Variants in ZC3H7B observed in about 807,000 individuals in gnomAD.
ZC3H7B encodes the protein zinc finger CCCH domain-containing protein 7B.
A neutral mutation model predicts 116.0 loss-of-function variants in ZC3H7B; 35 were observed. The ratio of observed to expected loss-of-function variants is 0.30; its 90% CI spans 0.23 to 0.40. The LOEUF (loss-of-function observed/expected upper bound fraction) is 0.40, where lower values mean the gene tolerates loss of function less well. Ranked by LOEUF, ZC3H7B falls within the 10% of genes least tolerant of loss-of-function variation. The pLI, the probability that ZC3H7B is intolerant of heterozygous loss-of-function variation, is 1.00. For synonymous variants in ZC3H7B, 502 were observed against 545.6 expected, an observed-to-expected ratio of 0.92 and a Z score of 1.11; for missense variants, 1,011 against 1,321.5, an observed-to-expected ratio of 0.77 and a Z score of 3.64.
intron 22 of ZC3H7B, 118 bp downstream of exon 22, chr22:41,356,926 C>A: frequency 6.7e-7 from 1 of 1,483,916 alleles, no homozygotes; most frequent in East Asian, 2.3e-5. Context: ...TGAGGCTTGG[C>A]TGTGACTGCA....
chr22:41,342,018 C>T (rs1184511871), intron 11 of ZC3H7B, among the ~76,000 whole-genome samples: 3 of 150,892 alleles, frequency 2.0e-5, no homozygotes, highest in Admixed American at 6.6e-5. Context: ...GCTGAGAGCA[C>T]GCCATTGCAC....
In ZC3H7B at chr22:41,302,422, T is replaced by A. The variant is rs921985193; in HGVS notation, c.-7+650T>A. ...TGGGCCTGCTGGGCAGGGGGGCGTT[T>A]CCGGTCGCAGGATCAGTCTCTGGAC... On this transcript the variant is annotated intron_variant, in intron 1 of 22. Coordinates refer to ENST00000352645, the MANE Select transcript of ZC3H7B (RefSeq NM_017590.6). The surrounding 1 kb of genome is among the most constrained non-coding windows in gnomAD (Gnocchi z 5.7). 6.6e-6 allele frequency among the ~76,000 whole-genome samples: 1 copy of A among 151,984 alleles called. No homozygotes were observed. Among genetic ancestry groups the A allele is most frequent in the Non-Finnish European group, 1.5e-5 (1 of 67,938 alleles).
At chr22:41,314,444 A>T (rs1380806191) in intron 1 of ZC3H7B, among the ~76,000 whole-genome samples, 4 of 151,930 alleles carry the variant, frequency 2.6e-5, no homozygotes, top group Non-Finnish European at 5.9e-5. Context: ...GGTGTGAGCC[A>T]CTGCGCCCAA....
Position 41,359,081 on chromosome 22 carries a change from C to A in ZC3H7B, c.*1652C>A, listed in dbSNP as rs988398450. 1.3e-5 allele frequency: 2 copies of A among 152,934 alleles called. No individual in the cohort carries two copies. Among genetic ancestry groups the A allele is most frequent in the African/African-American group, 2.4e-5 (1 of 41,472 alleles). 9.5% of individuals were successfully genotyped at this position (152,934 alleles called of 1,614,324 possible). A position where few individuals can be genotyped will look rare whatever the true frequency, so the allele number is the denominator to read the frequency against. On this transcript the variant is annotated 3_prime_UTR_variant, in exon 23 of 23. Transcript: ENST00000352645. ...GCGCCCTTTCCTCTTCCCTGCCCCA[C>A]CCCCTGGCCGCAGCAGGCCAGCACT...
rs371484950 is a variant in ZC3H7B, at chr22:41,355,919, G to A, written c.2275-35G>A. The A allele has an allele frequency of 3.7e-6, 6 of 1,605,524 alleles. No individual in the cohort carries two copies. In the Admixed American group the frequency reaches 5.1e-5, roughly 14 times the overall value. On this transcript the variant is annotated intron_variant, in intron 19 of 22. Coordinates refer to ENST00000352645, the MANE Select transcript of ZC3H7B (RefSeq NM_017590.6). The stretch of plus-strand genomic sequence containing the variant: ...CCAGGAGGCAGCGATGCTTTCCAGC[G>A]GGACTCAGAGGATCTCCCCACGCCC...
At chr22:41,306,996 CAG>C (rs1337661727) in intron 1 of ZC3H7B, among the ~76,000 whole-genome samples, 2 of 136,012 alleles carry the variant, frequency 1.5e-5, no homozygotes, top group Non-Finnish European at 3.1e-5. Flanking sequence ...TTTTTTGAGA[CAG>C]AGTCTCATTC....
Position 41,327,256 on chromosome 22 carries a change from C to G in ZC3H7B, c.336C>G (p.Asp112Glu), listed in dbSNP as rs1243008239. 2 of 1,614,098 alleles carry G rather than the reference C, an allele frequency of 1.2e-6. No individual in the cohort carries two copies. Among genetic ancestry groups the G allele is most frequent in the Non-Finnish European group, 8.5e-7 (1 of 1,180,046 alleles). The change falls in exon 5 of 23, where the codon GAC becomes GAG. Residue 112 changes from aspartate (D) to glutamate (E), a missense_variant. Around this residue, in one of 5 missense-constraint regions of ZC3H7B, gnomAD observed 322 missense variants for 443.9 expected, o/e 0.73. Coordinates refer to ENST00000352645, the MANE Select transcript of ZC3H7B (RefSeq NM_017590.6). The surrounding 1 kb of genome is among the most constrained non-coding windows in gnomAD (Gnocchi z 4.5). ...LEDSEKALGL[D>E]SESIRALFRK... Reference sequence around the variant, plus strand: ...ACAGCGAGAAGGCGCTGGGCCTGGACAGTGAGAGTATCCGGGCGTTGTTCC... The same window carrying G: ...ACAGCGAGAAGGCGCTGGGCCTGGAGAGTGAGAGTATCCGGGCGTTGTTCC...
rs751008983 is a variant in ZC3H7B at position 41,341,108 on chromosome 22, C to T, written c.1159C>T (p.His387Tyr). 6.2e-7 allele frequency: 1 copy of T among 1,613,952 alleles called. No individual in the cohort carries two copies. The highest frequency in any genetic ancestry group is 1.1e-5 in the South Asian group (1 of 91,070). ...CCCAGAGGAGACCAACTCACAGGAC[C>T]ACCGTCCCCCTAGCGGTGCTCAGAA... Reference protein sequence around the residue: ...SFMEETNSQDHRPPSGAQKPA... With the variant: ...SFMEETNSQDYRPPSGAQKPA... The change falls in exon 11 of 23, where the codon CAC becomes TAC. Residue 387 changes from histidine to tyrosine, a missense_variant. His to Tyr is a moderately conservative substitution (Grantham distance 83). Transcript: ENST00000352645.
In ZC3H7B at chr22:41,356,687, A is replaced by G. The variant is rs1285238417; in HGVS notation, c.2560A>G (p.Lys854Glu). 2.5e-6 allele frequency: 4 copies of G among 1,613,706 alleles called. No individual in the cohort carries two copies. The highest frequency in any genetic ancestry group is 3.4e-6 in the Non-Finnish European group (4 of 1,180,004). Residue 854 changes from lysine (K) to glutamate (E), a missense_variant, in exon 22 of 23, where the codon AAG (lysine) becomes GAG (glutamate). Physicochemically the swap from Lys to Glu is moderately conservative, Grantham distance 56. Transcript: ENST00000352645. ...GCTCTGCGGCAAGAACAGCAACAGC[A>G]AGAAGCAGTGGCAGCAGCACATCCA... Reference protein sequence around the residue: ...CWLCGKNSNSKKQWQQHIQSE... With the variant: ...CWLCGKNSNSEKQWQQHIQSE...
intron 1 of ZC3H7B, among the ~76,000 whole-genome samples, 182 bp downstream of exon 1, chr22:41,301,954 A>C (rs2035971437): frequency 6.6e-6 from 1 of 151,902 alleles, no homozygotes; most frequent in South Asian, 2.1e-4. Context: ...TTTGCAAAAA[A>C]TAAATCGTCT....
rs778985812 is a variant in ZC3H7B at position 41,343,468 on chromosome 22, C to T, written c.1351C>T (p.Arg451Trp). 6.6e-5 allele frequency: 107 copies of T among 1,613,786 alleles called. No individual in the cohort carries two copies. The highest frequency in any genetic ancestry group is 8.4e-5 in the Non-Finnish European group (99 of 1,179,930). Reference protein sequence around the residue: ...YREGLEHKCKRDILLGRLRSS... With the variant: ...YREGLEHKCKWDILLGRLRSS... ...TGAGGGCCTTGAGCACAAGTGCAAG[C>T]GGGACATCCTGCTCGGCCGGCTCCG... Residue 451 changes from arginine (R) to tryptophan (W), a missense_variant, in exon 13 of 23, where the codon CGG (arginine) becomes TGG (tryptophan). Physicochemically the swap from Arg to Trp is moderately radical, Grantham distance 101. This residue lies in a region of ZC3H7B where 179 missense variants were observed against 178.5 expected (regional missense o/e 1.00). Transcript: ENST00000352645.
intron 4 of ZC3H7B, among the ~76,000 whole-genome samples, chr22:41,326,253 C>T (rs2036316473): frequency 2.0e-5 from 3 of 152,214 alleles, no homozygotes; most frequent in African/African-American, 7.2e-5. Context: ...TCCTCCCTCC[C>T]GGCCCCACTG....
rs1425146762 is a variant in ZC3H7B at position 41,340,836 on chromosome 22, C to A, written c.1139-252C>A. 2.0e-5 allele frequency among the ~76,000 whole-genome samples: 3 copies of A among 152,154 alleles called. No homozygotes were observed. The East Asian group carries it at 5.8e-4, about 29-fold the overall frequency. ...GAGGACCTGGGAGCAAGCTAAGGAA[C>A]TTGGGCTTTCTCCTACGGGCAGCGG... On this transcript the variant is annotated intron_variant, in intron 10 of 22. Transcript: ENST00000352645.
At chr22:41,334,693 G>A (rs1249004765) in intron 7 of ZC3H7B, 1 of 152,304 alleles carries the variant, frequency 6.6e-6, no homozygotes, top group Non-Finnish European at 1.5e-5. Flanking sequence ...ATGAGGGCAG[G>A]GTGGTGTCCC....
rs1020788334 is a variant in ZC3H7B, at chr22:41,302,042, G to T, written c.-7+270G>T. Among the ~76,000 whole-genome samples the T allele has an allele frequency of 2.0e-5, 3 of 152,150 alleles. No homozygotes were observed. Among genetic ancestry groups the T allele is most frequent in the Non-Finnish European group, 2.9e-5 (2 of 68,008 alleles). ...AAAGTTTAAAAGTTACCGTGTGGCC[G>T]GGGGCACCTGGCGCTGGGGAGACTT... On this transcript the variant is annotated intron_variant, in intron 1 of 22. Transcript: ENST00000352645. The surrounding 1 kb of genome is among the most constrained non-coding windows in gnomAD (Gnocchi z 5.7).
intron 1 of ZC3H7B, among the ~76,000 whole-genome samples, chr22:41,308,680 G>C (rs1196594246): frequency 6.6e-6 from 1 of 152,178 alleles, no homozygotes; most frequent in African/African-American, 2.4e-5. Flanking sequence ...TCACTCTTCT[G>C]CTGAAAACTC....
chr22:41,325,915 C>T lies in ZC3H7B; in HGVS notation c.282C>T (p.Thr94=), dbSNP rs1301679761. 7 of 1,603,156 alleles carry T rather than the reference C, an allele frequency of 4.4e-6. No homozygotes were observed. Among genetic ancestry groups the T allele is most frequent in the South Asian group, 1.1e-5 (1 of 89,250 alleles). The change falls in exon 4 of 23, where the codon ACC becomes ACT. Residue 94 remains threonine (T), a synonymous_variant. Coordinates refer to ENST00000352645, the MANE Select transcript of ZC3H7B (RefSeq NM_017590.6). Reference sequence around the variant, plus strand: ...TCAATAGGGCCGCCTGCTACTTCACCATGGTGAGCCTGGCACCCTCTTTTC... The same window carrying T: ...TCAATAGGGCCGCCTGCTACTTCACTATGGTGAGCCTGGCACCCTCTTTTC... The part of the protein sequence containing the change: ...LHVNRAACYF[T]MGLYEKALED...
rs1051508298 is a variant in ZC3H7B, at chr22:41,357,598, C to T, written c.*169C>T. On this transcript the variant is annotated 3_prime_UTR_variant, in exon 23 of 23. Transcript: ENST00000352645. This position sits in a 1 kb window ranked among gnomAD's most constrained non-coding sequence, Gnocchi z 5.4. ...TTCTCCCCACCACCGCCCCGGTGTGCGTACCCAGGCGCACGTGCTGCAGCC... is the reference window on the plus strand; with the variant it reads ...TTCTCCCCACCACCGCCCCGGTGTGTGTACCCAGGCGCACGTGCTGCAGCC... 7.9e-5 allele frequency: 76 copies of T among 966,076 alleles called. No homozygotes were observed. The highest frequency in any genetic ancestry group is 1.6e-4 in the East Asian group (6 of 37,708). 59.8% of individuals were successfully genotyped at this position (966,076 alleles called of 1,614,324 possible).
In ZC3H7B at chr22:41,321,829, CTTTTTTTTT is replaced by C. The variant is rs199611879; in HGVS notation, c.53+1136_53+1144del. Among the ~76,000 whole-genome samples, 561 of 91,020 alleles carry C rather than the reference CTTTTTTTTT, an allele frequency of 6.2e-3. 4 individuals carry two copies. Among genetic ancestry groups the C allele is most frequent in the African/African-American group, 0.03 (524 of 17,668 alleles). 59.7% of individuals were successfully genotyped at this position (91,020 alleles called of 152,430 possible). A position where few individuals can be genotyped will look rare whatever the true frequency, so the allele number is the denominator to read the frequency against. ...GACCACAAAACTCAAAACTCACATTCTTTTTTTTTTTTTTTTTTTTTTTTTTTTGAGACG... is the reference window on the plus strand; with the variant it reads ...GACCACAAAACTCAAAACTCACATTCTTTTTTTTTTTTTTTTTTTGAGACG... On this transcript the variant is annotated intron_variant, in intron 2 of 22. Transcript: ENST00000352645.
Sources: allele counts gnomAD v4.1 joint callset (sites outside exome capture counted in the v4.1 genomes callset), GRCh38; gene constraint gnomAD v4.1.1; regional missense constraint gnomAD v4.1.1; non-coding constraint Gnocchi (gnomAD v3.1); transcripts MANE v1.5; gene names NCBI Gene and HGNC (gene_info 2026-07-23, HGNC 2026-07-21).